E2F2: variants seen among roughly 807,000 people sequenced by gnomAD.
E2F2 encodes the protein E2F transcription factor 2.
A neutral mutation model predicts 42.2 loss-of-function variants in E2F2; 22 were observed. The observed-to-expected ratio is 0.52, with a 90% confidence interval of 0.37 to 0.74. The LOEUF (loss-of-function observed/expected upper bound fraction) is 0.74, where lower values mean the gene tolerates loss of function less well. E2F2 is among the 30% of genes least tolerant of loss of function. The probability of loss-of-function intolerance (pLI) is 0.00; values close to 1 mark genes in which losing one functional copy is unlikely to be tolerated. For missense variants in E2F2, 481 were observed against 557.8 expected, an observed-to-expected ratio of 0.86 and a Z score of 1.39; for synonymous variants, 248 against 251.6, an observed-to-expected ratio of 0.99 and a Z score of 0.13.
At chr1:23,524,314 T>A (rs1228336076) in intron 2 of E2F2, 69 bp downstream of exon 2, 18 of 1,197,930 alleles carry the variant, frequency 1.5e-5, no homozygotes, top group Non-Finnish European at 2.1e-5. Context: ...TGACTACCAG[T>A]GATTGGGCAG....
At chr1:23,522,842 G>A (rs760560968) in intron 2 of E2F2, among the ~76,000 whole-genome samples, 1 of 152,158 alleles carries the variant, frequency 6.6e-6, no homozygotes, top group African/African-American at 2.4e-5. Context: ...AAGTCATATA[G>A]CAAGTTAGTG....
Position 23,530,524 on chromosome 1 carries a change from G to A in E2F2, c.252+18C>T. The A allele has an allele frequency of 6.2e-7, 1 of 1,610,246 alleles. No individual in the cohort carries two copies. The highest frequency in any genetic ancestry group is 1.1e-5 in the South Asian group (1 of 90,882). On this transcript the variant is annotated intron_variant, in intron 1 of 6. Transcript: ENST00000361729. The surrounding 1 kb of genome is among the most constrained non-coding windows in gnomAD (Gnocchi z 4.4). ...CTGGAAAAGCATAGGGGGAAGCGGT[G>A]GGGGCCCCCAGCATTACCGGCAGCC...
At chr1:23,521,227 G>C (rs1182365660) in intron 3 of E2F2, among the ~76,000 whole-genome samples, 156 bp from the exon 4 acceptor site, 4 of 152,182 alleles carry the variant, frequency 2.6e-5, no homozygotes, top group Non-Finnish European at 5.9e-5. Context: ...CCAGAGGTTT[G>C]GGGGTTGGGC....
chr1:23,520,967 A>G lies in E2F2; in HGVS notation c.683T>C (p.Ile228Thr). The change falls in exon 4 of 7, where the codon ATC (isoleucine) becomes ACC (threonine). Residue 228 changes from isoleucine (I) to threonine (T), a missense_variant. By Grantham distance (89) the Ile-to-Thr change is moderately conservative. Transcript: ENST00000361729. The stretch of plus-strand genomic sequence containing the variant: ...CTTGAAGCTCAGAGAGCAGCTCTGG[A>G]TGAGCTGGTCCAAGGCCTGCTCCGT... ...MNTEQALDQL[I>T]QSCSLSFKHL... is the part of the protein sequence containing the mutation. 1 of 1,612,728 alleles carries G rather than the reference A, an allele frequency of 6.2e-7. No individual in the cohort carries two copies. The highest frequency in any genetic ancestry group is 1.3e-5 in the African/African-American group (1 of 74,824).
At chr1:23,521,405 A>G (rs566251798) in intron 3 of E2F2, among the ~76,000 whole-genome samples, 26 of 152,122 alleles carry the variant, frequency 1.7e-4, no homozygotes, top group African/African-American at 6.3e-4. Flanking sequence ...AGCTCTTTAA[A>G]CCCTGTAGAA....
Position 23,517,888 on chromosome 1 carries a change from G to A in E2F2, c.852+1128C>T, listed in dbSNP as rs552331425. On this transcript the variant is annotated intron_variant, in intron 5 of 6. Transcript: ENST00000361729. The stretch of plus-strand genomic sequence containing the variant: ...AAGAGCATGTATGAGGGTCTTGCAC[G>A]GCTAGGTGCGGTGGTTCACGCCTAT... 1.7e-4 allele frequency among the ~76,000 whole-genome samples: 26 copies of A among 152,302 alleles called. 1 individual carries two copies. The South Asian group carries it at 5.0e-3, about 29-fold the overall frequency.
intron 6 of E2F2, among the ~76,000 whole-genome samples, chr1:23,514,918 T>G (rs1432561914): frequency 2.0e-5 from 3 of 152,158 alleles, no homozygotes; most frequent in Non-Finnish European, 4.4e-5. Flanking sequence ...TGCCTTCTTT[T>G]TCTTTCTCCC....
At chr1:23,520,763 T>A (rs1643127532) in intron 4 of E2F2, 150 bp downstream of exon 4, 1 of 682,680 alleles carries the variant, frequency 1.5e-6, no homozygotes, top group African/African-American at 1.9e-5. Context: ...AAATAAATAA[T>A]TTTAAAAATA....
chr1:23,523,579 T>C (rs1643193552), intron 2 of E2F2, among the ~76,000 whole-genome samples: 1 of 152,064 alleles, frequency 6.6e-6, no homozygotes, highest in South Asian at 2.1e-4. Flanking sequence ...ACTGGATTAA[T>C]CTGTGCTTCC....
In E2F2 at chr1:23,506,680, G is replaced by A. The variant is rs1285148037; in HGVS notation, c.*3200C>T. On this transcript the variant is annotated 3_prime_UTR_variant, in exon 7 of 7. Coordinates refer to ENST00000361729, the MANE Select transcript of E2F2 (RefSeq NM_004091.4). ...ACCATGGTCACTGAGGATCCTCGTG[G>A]GAGAATAGGGTTCTGGGACCTCAGG... The A allele has an allele frequency of 6.6e-6, 1 of 152,250 alleles. No homozygotes were observed. The highest frequency in any genetic ancestry group is 2.4e-5 in the African/African-American group (1 of 41,460). The allele number at this position is 152,250 out of a possible 1,614,324, so 9.4% of individuals were successfully genotyped here. A position where few individuals can be genotyped will look rare whatever the true frequency, so the allele number is the denominator to read the frequency against.
At chr1:23,528,248 C>T (rs1287918961) in intron 1 of E2F2, among the ~76,000 whole-genome samples, 1 of 152,208 alleles carries the variant, frequency 6.6e-6, no homozygotes, top group Admixed American at 6.5e-5. Context: ...TTCATTCTGC[C>T]ATTGAACTTG....
intron 3 of E2F2, 199 bp downstream of exon 3, chr1:23,521,638 G>A: frequency 1.0e-6 from 1 of 985,384 alleles, no homozygotes; most frequent in Non-Finnish European, 1.2e-6. Flanking sequence ...GGTACACGGC[G>A]CTCTTCCTCA....
At chr1:23,506,126 T>C (rs1488198943), downstream of E2F2, among the ~76,000 whole-genome samples, 2 of 152,048 alleles carry the variant, frequency 1.3e-5, no homozygotes, top group African/African-American at 2.4e-5. Context: ...AGGACTACAG[T>C]TGGACCCACT....
chr1:23,519,992 C>T (rs1217119906), intron 4 of E2F2, among the ~76,000 whole-genome samples: 5 of 151,184 alleles, frequency 3.3e-5, no homozygotes, highest in Non-Finnish European at 7.4e-5. Context: ...GCAGGAGAAT[C>T]GCTTGAACCC....
rs1055439615 is a variant in E2F2, at chr1:23,516,591, T to C, written c.853-64A>G. ...GCTGGACACTTACACTTAGTGTGTA[T>C]GGACAGACGCACGTGGCTGCTGCCA... On this transcript the variant is annotated intron_variant, in intron 5 of 6. Coordinates refer to ENST00000361729, the MANE Select transcript of E2F2 (RefSeq NM_004091.4). 3.4e-5 allele frequency: 46 copies of C among 1,345,644 alleles called. No homozygotes were observed. In the African/African-American group the frequency reaches 6.3e-4, roughly 18 times the overall value. The allele number at this position is 1,345,644 out of a possible 1,614,324, so 83.4% of individuals were successfully genotyped here. A position where few individuals can be genotyped will look rare whatever the true frequency, so the allele number is the denominator to read the frequency against.
intron 5 of E2F2, among the ~76,000 whole-genome samples, chr1:23,518,733 T>C (rs1260660689): frequency 1.3e-5 from 2 of 152,152 alleles, no homozygotes; most frequent in African/African-American, 4.8e-5. Flanking sequence ...GACACCGTCA[T>C]ACGTGGGCAT....
chr1:23,516,772 C>G (rs894222252), intron 5 of E2F2, among the ~76,000 whole-genome samples: 2 of 142,396 alleles, frequency 1.4e-5, no homozygotes, highest in East Asian at 2.1e-4. Context: ...CTCTTCCCCC[C>G]ACTCTCAGGT....
intron 6 of E2F2, 93 bp downstream of exon 6, chr1:23,516,242 A>G: frequency 7.3e-7 from 1 of 1,378,646 alleles, no homozygotes; most frequent in Non-Finnish European, 9.4e-7. Flanking sequence ...GCTGCTGGAT[A>G]AAACAGGAGG....
rs1219330832 is a variant in E2F2, at chr1:23,518,953, C to T, written c.852+63G>A. The T allele has an allele frequency of 2.1e-5, 28 of 1,358,992 alleles. No individual in the cohort carries two copies. In the South Asian group the frequency reaches 3.2e-4, roughly 15 times the overall value. The allele number at this position is 1,358,992 out of a possible 1,614,324, so 84.2% of individuals were successfully genotyped here. A position where few individuals can be genotyped will look rare whatever the true frequency, so the allele number is the denominator to read the frequency against. On this transcript the variant is annotated intron_variant, in intron 5 of 6. Transcript: ENST00000361729. ...AGTGCCAGGGACAGAGTCTGCAGAG[C>T]CGCCTGGAACGCTCCCTGGCAGGGT...
Sources: allele counts gnomAD v4.1 joint callset (sites outside exome capture counted in the v4.1 genomes callset), GRCh38; gene constraint gnomAD v4.1.1; non-coding constraint Gnocchi (gnomAD v3.1); transcripts MANE v1.5; gene names NCBI Gene and HGNC (gene_info 2026-07-23, HGNC 2026-07-21).